The following CHCHD3 variants were observed in gnomAD, a reference collection of about 807,000 sequenced individuals.
CHCHD3 encodes the protein coiled-coil-helix-coiled-coil-helix domain containing 3.
In CHCHD3, 20 loss-of-function variants were observed where a neutral mutation model predicts 38.2. That is an observed-to-expected ratio of 0.52 (90% CI 0.37 to 0.76). The LOEUF (loss-of-function observed/expected upper bound fraction) is 0.76. Among genes scored for constraint, CHCHD3 ranks in the 30% least tolerant of loss-of-function variants. CHCHD3 has a pLI of 0.00. For synonymous variants in CHCHD3, 82 were observed against 100.0 expected, an observed-to-expected ratio of 0.82 and a Z score of 1.07; for missense variants, 245 against 279.2, an observed-to-expected ratio of 0.88 and a Z score of 0.87.
chr7:132,896,856 A>G (rs1047509701), intron 4 of CHCHD3, among the ~76,000 whole-genome samples: 35 of 152,258 alleles, frequency 2.3e-4, no homozygotes, highest in African/African-American at 8.0e-4. Context: ...TAAAAACTTC[A>G]AAGCTAAGAA....
rs80354501 is a variant in CHCHD3, at chr7:132,816,894, C to T, written c.525-20317G>A. Among the ~76,000 whole-genome samples the T allele has an allele frequency of 6.5e-4, 99 of 152,184 alleles. 1 individual carries two copies. In the East Asian group the frequency reaches 0.016, roughly 25 times the overall value. On this transcript the variant is annotated intron_variant, in intron 6 of 7. Coordinates refer to ENST00000262570, the MANE Select transcript of CHCHD3 (RefSeq NM_017812.4). ...AGGATTTCCCTAGATAAAGAAGATCCGAGAACGGCCAAATCTTGCCAGAAT... is the reference window on the plus strand; with the variant it reads ...AGGATTTCCCTAGATAAAGAAGATCTGAGAACGGCCAAATCTTGCCAGAAT...
rs182681874 is a variant in CHCHD3, at chr7:132,938,293, T to C, written c.369+36876A>G. On this transcript the variant is annotated intron_variant, in intron 4 of 7. Coordinates refer to ENST00000262570, the MANE Select transcript of CHCHD3 (RefSeq NM_017812.4). ...TAACAGATGGAAATACTAAGGCTCATTGAGGTTAAATGACTTGCTCAAAGT... is the reference window on the plus strand; with the variant it reads ...TAACAGATGGAAATACTAAGGCTCACTGAGGTTAAATGACTTGCTCAAAGT... 1.8e-4 allele frequency among the ~76,000 whole-genome samples: 28 copies of C among 152,304 alleles called. No individual in the cohort carries two copies. The East Asian group carries it at 2.7e-3, about 15-fold the overall frequency.
chr7:133,060,779 G>A (rs555874594), intron 2 of CHCHD3, among the ~76,000 whole-genome samples: 36 of 152,176 alleles, frequency 2.4e-4, no homozygotes, highest in African/African-American at 8.2e-4. Context: ...GCGTGGTGGC[G>A]GGAGCCTGTA....
intron 4 of CHCHD3, chr7:132,973,200 T>G (rs1811655492): frequency 1.0e-6 from 1 of 985,072 alleles, no homozygotes; most frequent in South Asian, 4.7e-5. Flanking sequence ...AAGATAAGAT[T>G]CAAAAGAGTA....
At chr7:133,010,605 T>G (rs773698853) in intron 3 of CHCHD3, among the ~76,000 whole-genome samples, 1 of 152,102 alleles carries the variant, frequency 6.6e-6, no homozygotes, top group East Asian at 1.9e-4. Flanking sequence ...TGAGACAGGG[T>G]CTCACTCTTG....
At chr7:133,043,577 C>T (rs370718754) in intron 2 of CHCHD3, among the ~76,000 whole-genome samples, 2 of 150,546 alleles carry the variant, frequency 1.3e-5, no homozygotes, top group East Asian at 2.0e-4. Context: ...ACCCGGGAGG[C>T]GGAGGTAGCA....
chr7:132,913,139 AG>A (rs1269742485), intron 4 of CHCHD3, among the ~76,000 whole-genome samples: 2 of 152,206 alleles, frequency 1.3e-5, no homozygotes, highest in Non-Finnish European at 2.9e-5. Context: ...AAGAATGTTG[AG>A]ATTCCAAAGT....
At chr7:132,841,200 C>T (rs1364953362) in intron 5 of CHCHD3, among the ~76,000 whole-genome samples, 2 of 152,150 alleles carry the variant, frequency 1.3e-5, no homozygotes, top group Admixed American at 1.3e-4. Flanking sequence ...AAATTAAATT[C>T]TTACTGTCCT....
intron 4 of CHCHD3, among the ~76,000 whole-genome samples, chr7:132,967,480 T>C (rs566648126): frequency 3.1e-4 from 47 of 152,064 alleles, no homozygotes; most frequent in Middle Eastern, 3.4e-3. Context: ...CAGAGGCTAT[T>C]TGGTGATGTT....
chr7:132,907,200 C>T (rs969327500), intron 4 of CHCHD3, among the ~76,000 whole-genome samples: 53 of 152,144 alleles, frequency 3.5e-4, no homozygotes, highest in African/African-American at 1.2e-3. Context: ...CAATAAATAA[C>T]TTGTCTATTG....
At chr7:132,901,447 A>C (rs1293718905) in intron 4 of CHCHD3, among the ~76,000 whole-genome samples, 1 of 152,134 alleles carries the variant, frequency 6.6e-6, no homozygotes, top group Non-Finnish European at 1.5e-5. Flanking sequence ...CTGCCCATTA[A>C]AGAAGCCACC....
At chr7:132,950,442 C>A (rs566285064) in intron 4 of CHCHD3, among the ~76,000 whole-genome samples, 8 of 152,192 alleles carry the variant, frequency 5.3e-5, no homozygotes, top group African/African-American at 1.9e-4. Flanking sequence ...AAATAACGAG[C>A]CTAATATTTA....
chr7:132,822,649 AAAG>A (rs1388174351), intron 6 of CHCHD3, among the ~76,000 whole-genome samples: 1 of 152,154 alleles, frequency 6.6e-6, no homozygotes, highest in African/African-American at 2.4e-5. Flanking sequence ...ATATCAGCAA[AAAG>A]AAGATCAAGA....
intron 6 of CHCHD3, among the ~76,000 whole-genome samples, chr7:132,832,967 A>G (rs1380394620): frequency 6.6e-6 from 1 of 152,230 alleles, no homozygotes; most frequent in Non-Finnish European, 1.5e-5. Context: ...AGCAGCATCT[A>G]GAATTTGTTT....
intron 2 of CHCHD3, chr7:133,034,776 A>T (rs1813611050): frequency 1.2e-6 from 2 of 1,613,464 alleles, no homozygotes. Flanking sequence ...CGGAAAGGCA[A>T]GCTCCTGGCC....
chr7:132,878,564 C>T (rs962045388), intron 5 of CHCHD3, among the ~76,000 whole-genome samples: 2 of 152,130 alleles, frequency 1.3e-5, no homozygotes, highest in Non-Finnish European at 2.9e-5. Context: ...TATTTTTCAC[C>T]ATTCTCTTTG....
At chr7:133,055,970 C>A (rs1332150872) in intron 2 of CHCHD3, among the ~76,000 whole-genome samples, 3 of 151,944 alleles carry the variant, frequency 2.0e-5, no homozygotes, top group South Asian at 2.1e-4. Context: ...CAGAGTGAGA[C>A]CCCGTCTCTA....
chr7:133,000,158 A>C (rs754222411), intron 3 of CHCHD3, among the ~76,000 whole-genome samples: 1 of 152,190 alleles, frequency 6.6e-6, no homozygotes, highest in Non-Finnish European at 1.5e-5. Context: ...CTCTTCGTTC[A>C]ATATGAGACC....
chr7:132,926,239 A>G (rs1301087108), intron 4 of CHCHD3, among the ~76,000 whole-genome samples: 1 of 152,228 alleles, frequency 6.6e-6, no homozygotes, highest in South Asian at 2.1e-4. Flanking sequence ...ATCCCAACTT[A>G]TAAGTTACTG....
Sources: gnomAD v4.1 joint callset for allele counts (sites outside exome capture counted in the v4.1 genomes callset) on GRCh38, gnomAD v4.1.1 for gene constraint, MANE v1.5 for transcripts, NCBI Gene and HGNC (gene_info 2026-07-23, HGNC 2026-07-21) for gene names.